The following MAN2A1 variants were observed in gnomAD, a reference collection of about 807,000 sequenced individuals.
The protein encoded by MAN2A1 is mannosidase alpha class 2A member 1, also known as alpha-mannosidase 2.
A neutral mutation model predicts 142.6 loss-of-function variants in MAN2A1; 76 were observed. That is an observed-to-expected ratio of 0.53 (90% CI 0.44 to 0.65). The LOEUF (loss-of-function observed/expected upper bound fraction) is 0.65. MAN2A1 is among the 30% of genes least tolerant of loss of function. MAN2A1 has a pLI of 0.00. For missense variants in MAN2A1, 1,311 were observed against 1,365.1 expected, an observed-to-expected ratio of 0.96 and a Z score of 0.62; for synonymous variants, 559 against 473.2, an observed-to-expected ratio of 1.18 and a Z score of -2.35.
intron 15 of MAN2A1, among the ~76,000 whole-genome samples, chr5:109,822,537 G>T (rs771792836): frequency 6.6e-6 from 1 of 152,046 alleles, no homozygotes; most frequent in East Asian, 1.9e-4. Context: ...ATCATCCCAG[G>T]TTCTCATCCC....
chr5:109,691,518 G>C (rs1034994029), intron 1 of MAN2A1, among the ~76,000 whole-genome samples: 4 of 152,186 alleles, frequency 2.6e-5, no homozygotes, highest in African/African-American at 9.7e-5. Context: ...GAGAAGCCTA[G>C]ACGTGAAGTT....
chr5:109,824,742 T>C (rs1045355725), intron 16 of MAN2A1, among the ~76,000 whole-genome samples: 1 of 152,180 alleles, frequency 6.6e-6, no homozygotes, highest in African/African-American at 2.4e-5. Context: ...TTTTTAGGTA[T>C]TGTGGGAAAG....
chr5:109,809,454 A>G (rs1212104209), intron 12 of MAN2A1, among the ~76,000 whole-genome samples: 1 of 151,838 alleles, frequency 6.6e-6, no homozygotes, highest in Non-Finnish European at 1.5e-5. Flanking sequence ...TAACCCATAC[A>G]CTCAGTTTTT....
At chr5:109,777,119 T>G (rs1207078218) in intron 8 of MAN2A1, among the ~76,000 whole-genome samples, 1 of 152,138 alleles carries the variant, frequency 6.6e-6, no homozygotes, top group Non-Finnish European at 1.5e-5. Flanking sequence ...TGGGATGTAA[T>G]TTTTTGGCCA....
At chr5:109,691,792 T>C (rs1750679759) in intron 1 of MAN2A1, among the ~76,000 whole-genome samples, 1 of 152,212 alleles carries the variant, frequency 6.6e-6, no homozygotes, top group Non-Finnish European at 1.5e-5. Flanking sequence ...CTGCTTCCCC[T>C]AGGTAGTATG....
chr5:109,833,710 G>A (rs1266153580), intron 16 of MAN2A1, among the ~76,000 whole-genome samples: 1 of 150,134 alleles, frequency 6.7e-6, no homozygotes, highest in Non-Finnish European at 1.5e-5. Flanking sequence ...AGGGGGAGGG[G>A]GAGAGGGATT....
At chr5:109,732,702 GT>G (rs980744773) in intron 4 of MAN2A1, among the ~76,000 whole-genome samples, 1 of 152,104 alleles carries the variant, frequency 6.6e-6, no homozygotes, top group African/African-American at 2.4e-5. Flanking sequence ...TGAGGGCTGT[GT>G]TCTGTTCCAT....
intron 10 of MAN2A1, among the ~76,000 whole-genome samples, chr5:109,788,081 T>A (rs1444865531): frequency 6.6e-6 from 1 of 151,750 alleles, no homozygotes; most frequent in Non-Finnish European, 1.5e-5. Context: ...AAGGCATAGA[T>A]CCAAAGTTGC....
chr5:109,823,249 C>T (rs762620213), intron 15 of MAN2A1, among the ~76,000 whole-genome samples: 2 of 151,950 alleles, frequency 1.3e-5, no homozygotes, highest in African/African-American at 2.4e-5. Context: ...TTTAGTAAAC[C>T]GAGCTATGAT....
intron 12 of MAN2A1, among the ~76,000 whole-genome samples, chr5:109,810,755 C>G (rs369397690): frequency 6.2e-4 from 94 of 152,270 alleles, no homozygotes; most frequent in African/African-American, 2.1e-3. Context: ...GTTTTTTCCT[C>G]TCTTCAGCAG....
intron 4 of MAN2A1, among the ~76,000 whole-genome samples, chr5:109,742,875 G>T (rs1426181201): frequency 6.6e-6 from 1 of 152,154 alleles, no homozygotes; most frequent in East Asian, 1.9e-4. Context: ...GAAAGCATAT[G>T]TTCTATCCCT....
intron 1 of MAN2A1, among the ~76,000 whole-genome samples, chr5:109,711,690 T>C (rs186763514): frequency 1.3e-5 from 2 of 152,210 alleles, no homozygotes; most frequent in Non-Finnish European, 2.9e-5. Flanking sequence ...CCATTTCCTT[T>C]GCTTTGCCAT....
chr5:109,820,265 C>T lies in MAN2A1; in HGVS notation c.2374C>T (p.Gln792Ter), dbSNP rs1344421293. The T allele has an allele frequency of 6.2e-7, 1 of 1,609,520 alleles. No individual in the cohort carries two copies. The highest frequency in any genetic ancestry group is 8.5e-7 in the Non-Finnish European group (1 of 1,176,578). Residue 792 changes from glutamine (Q) to a stop codon, truncating the protein, a stop_gained, in exon 15 of 22, where the codon CAA (glutamine) becomes TAA (stop). Coordinates refer to ENST00000261483, the MANE Select transcript of MAN2A1 (RefSeq NM_002372.4). LOFTEE classifies it high-confidence loss of function. The part of the protein sequence containing the change: ...EDGKHHEVNV[Q>*]FSWYGTTIKR... Reference sequence around the variant, plus strand: ...TGGTAAACACCATGAAGTAAATGTGCAATTTTCATGGTATGGAACCACAAT... The same window carrying T: ...TGGTAAACACCATGAAGTAAATGTGTAATTTTCATGGTATGGAACCACAAT...
At chr5:109,693,276 C>T (rs1158502199) in intron 1 of MAN2A1, among the ~76,000 whole-genome samples, 13 of 149,036 alleles carry the variant, frequency 8.7e-5, no homozygotes, top group Non-Finnish European at 3.0e-5. Context: ...TGAGTTGATT[C>T]TTTTTTTTTT....
chr5:109,844,234 C>A (rs530216096), intron 17 of MAN2A1, among the ~76,000 whole-genome samples: 1 of 152,016 alleles, frequency 6.6e-6, no homozygotes, highest in East Asian at 1.9e-4. Context: ...GAGGATGGAA[C>A]GTTTGACTAA....
intron 1 of MAN2A1, among the ~76,000 whole-genome samples, chr5:109,707,167 T>G (rs1222708364): frequency 6.6e-6 from 1 of 152,198 alleles, no homozygotes; most frequent in Non-Finnish European, 1.5e-5. Flanking sequence ...TGGGTCCCAT[T>G]CTATGTTATT....
chr5:109,733,708 A>G (rs527972429), intron 4 of MAN2A1, among the ~76,000 whole-genome samples: 1 of 152,136 alleles, frequency 6.6e-6, no homozygotes, highest in East Asian at 1.9e-4. Flanking sequence ...CCCAGGGATG[A>G]AGCCCACTTG....
intron 11 of MAN2A1, 91 bp downstream of exon 11, chr5:109,789,139 C>A: frequency 1.5e-6 from 1 of 654,898 alleles, no homozygotes; most frequent in Non-Finnish European, 2.6e-6. Flanking sequence ...TGAAAAAAGA[C>A]ATTGAAATAT....
chr5:109,810,702 C>A (rs1754292685), intron 12 of MAN2A1, among the ~76,000 whole-genome samples: 1 of 152,096 alleles, frequency 6.6e-6, no homozygotes, highest in Admixed American at 6.5e-5. Flanking sequence ...ATTGGCATGC[C>A]CCAGAGTGAA....
Sources: allele counts gnomAD v4.1 joint callset (sites outside exome capture counted in the v4.1 genomes callset), GRCh38; gene constraint gnomAD v4.1.1; transcripts MANE v1.5; gene names NCBI Gene and HGNC (gene_info 2026-07-23, HGNC 2026-07-21).